MYO5B: variants seen among roughly 807,000 people sequenced by gnomAD.
MYO5B encodes myosin VB.
Under a neutral mutation model 229.3 loss-of-function variants are expected in MYO5B, and 143 were observed. The ratio of observed to expected loss-of-function variants is 0.62; its 90% CI spans 0.54 to 0.72. The LOEUF (loss-of-function observed/expected upper bound fraction) is 0.72, where lower values mean the gene tolerates loss of function less well. Ranked by LOEUF, MYO5B falls within the 30% of genes least tolerant of loss-of-function variation. The pLI is 0.00. For missense variants in MYO5B, 2,321 were observed against 2,331.0 expected, an observed-to-expected ratio of 1.00 and a Z score of 0.09; for synonymous variants, 918 against 885.2, an observed-to-expected ratio of 1.04 and a Z score of -0.66.
At chr18:49,930,713 A>C (rs552323541) in intron 16 of MYO5B, among the ~76,000 whole-genome samples, 1 of 152,224 alleles carries the variant, frequency 6.6e-6, no homozygotes, top group South Asian at 2.1e-4. Flanking sequence ...TAACACGGTG[A>C]AACCCCATCT....
chr18:50,160,412 T>C (rs1037544371), intron 1 of MYO5B, among the ~76,000 whole-genome samples: 1 of 152,224 alleles, frequency 6.6e-6, no homozygotes, highest in Non-Finnish European at 1.5e-5. Context: ...AGAGGTTCCC[T>C]GACTCGGGGG....
chr18:49,829,752 CA>C (rs1276885577), intron 39 of MYO5B, among the ~76,000 whole-genome samples: 1 of 152,110 alleles, frequency 6.6e-6, no homozygotes, highest in African/African-American at 2.4e-5. Flanking sequence ...ACACCATGAC[CA>C]AGCAAGATTT....
chr18:49,959,740 G>A lies in MYO5B; in HGVS notation c.1545+2526C>T, dbSNP rs183304047. On this transcript the variant is annotated intron_variant, in intron 12 of 39. Coordinates refer to ENST00000285039, the MANE Select transcript of MYO5B (RefSeq NM_001080467.3). ...AGGTTGCCTGTTCCTCTGAGAGAAA[G>A]TGGACTGATGAATGGGAAGAGGATA... 1.5e-3 allele frequency among the ~76,000 whole-genome samples: 228 copies of A among 152,294 alleles called. 1 individual carries two copies. The highest frequency in any genetic ancestry group is 6.8e-3 in the Middle Eastern group (2 of 294).
At chr18:50,135,768 A>G (rs2032325759) in intron 1 of MYO5B, among the ~76,000 whole-genome samples, 1 of 152,214 alleles carries the variant, frequency 6.6e-6, no homozygotes, top group African/African-American at 2.4e-5. Context: ...ACTGTTAGAA[A>G]CTGCTAGGAG....
At chr18:49,934,553 G>A (rs886832944) in intron 16 of MYO5B, among the ~76,000 whole-genome samples, 5 of 152,202 alleles carry the variant, frequency 3.3e-5, no homozygotes, top group South Asian at 2.1e-4. Flanking sequence ...TGGCCCAGCT[G>A]GTATAGAGCC....
rs1322628564 is a variant in MYO5B, at chr18:50,037,005, A to G, written c.311-11T>C. On this transcript the variant is annotated splice_polypyrimidine_tract_variant and intron_variant, in intron 3 of 39. Transcript: ENST00000285039. ...CAACAAGTACGATACCTGCAAACAG[A>G]CAAGGTGGTCAGATTCCGACAGCAC... The G allele has an allele frequency of 6.2e-7, 1 of 1,614,010 alleles. No individual in the cohort carries two copies. Among genetic ancestry groups the G allele is most frequent in the African/African-American group, 1.3e-5 (1 of 74,920 alleles).
chr18:50,093,372 GTAACAC>G (rs1205708033), intron 1 of MYO5B, among the ~76,000 whole-genome samples: 2 of 152,180 alleles, frequency 1.3e-5, no homozygotes, highest in Non-Finnish European at 2.9e-5. Context: ...CTCTCCTACA[GTAACAC>G]TAGCTTGAGG....
Position 50,153,864 on chromosome 18 carries a change from T to C in MYO5B, c.27+40903A>G, listed in dbSNP as rs550494103. Reference sequence around the variant, plus strand: ...ACACCAGTGAGTGAGTGAGTGGGGATAGTCTGTGTCTAAGACTGCAGTGTC... The same window carrying C: ...ACACCAGTGAGTGAGTGAGTGGGGACAGTCTGTGTCTAAGACTGCAGTGTC... On this transcript the variant is annotated intron_variant, in intron 1 of 39. Transcript: ENST00000285039. Among the ~76,000 whole-genome samples, 97 of 152,284 alleles carry C rather than the reference T, an allele frequency of 6.4e-4. 1 individual carries two copies. The highest frequency in any genetic ancestry group is 2.2e-3 in the African/African-American group (91 of 41,562).
intron 1 of MYO5B, among the ~76,000 whole-genome samples, chr18:50,150,843 AAAG>A (rs1324644247): frequency 6.6e-6 from 1 of 152,236 alleles, no homozygotes; most frequent in African/African-American, 2.4e-5. Flanking sequence ...TAATAAAAAA[AAAG>A]AAAAGAAAAA....
At chr18:50,069,413 TTTCCC>T (rs1298880200) in intron 1 of MYO5B, among the ~76,000 whole-genome samples, 2 of 151,986 alleles carry the variant, frequency 1.3e-5, no homozygotes, top group Non-Finnish European at 2.9e-5. Context: ...TTGGCAAAAT[TTTCCC>T]TTCCAAGTCC....
intron 1 of MYO5B, among the ~76,000 whole-genome samples, chr18:50,125,743 C>T (rs1210125845): frequency 6.6e-6 from 1 of 152,134 alleles, no homozygotes; most frequent in African/African-American, 2.4e-5. Context: ...TCACAATAGA[C>T]AAAAGGTAGA....
At chr18:49,974,779 T>TCACACACACACACAGACA (rs2025728326) in intron 9 of MYO5B, among the ~76,000 whole-genome samples, 164 bp from the exon 10 acceptor site, 1 of 117,048 alleles carries the variant, frequency 8.5e-6, no homozygotes. Flanking sequence ...GCAGTCTCTC[T>TCACACACACACACAGACA]CACACACACA....
At chr18:50,074,315 G>C (rs2031027222) in intron 1 of MYO5B, among the ~76,000 whole-genome samples, 1 of 152,168 alleles carries the variant, frequency 6.6e-6, no homozygotes, top group Non-Finnish European at 1.5e-5. Flanking sequence ...GGAATTCTGG[G>C]AGATACAATT....
At chr18:50,124,442 T>C (rs564474157) in intron 1 of MYO5B, among the ~76,000 whole-genome samples, 20 of 152,272 alleles carry the variant, frequency 1.3e-4, no homozygotes, top group African/African-American at 4.8e-4. Flanking sequence ...GCATTCCTAT[T>C]ATGGGAGTCA....
Position 49,864,357 on chromosome 18 carries a change from G to A in MYO5B, c.3627C>T (p.Asn1209=). ...SLKRQELESE[N]KKLKNDLNEL... is the part of the protein sequence containing the mutation. Reference sequence around the variant, plus strand: ...CATTCAGGTCATTCTTCAGCTTTTTGTTCTCTGACTCCAGCTCTTGCCTCT... The same window carrying A: ...CATTCAGGTCATTCTTCAGCTTTTTATTCTCTGACTCCAGCTCTTGCCTCT... The change falls in exon 28 of 40, where the codon AAC becomes AAT. Residue 1209 remains asparagine (N), a synonymous_variant. Coordinates refer to ENST00000285039, the MANE Select transcript of MYO5B (RefSeq NM_001080467.3). The A allele has an allele frequency of 6.2e-7, 1 of 1,613,796 alleles. No homozygotes were observed. The highest frequency in any genetic ancestry group is 8.5e-7 in the Non-Finnish European group (1 of 1,180,048).
At position 50,189,831 on chromosome 18, in the gene MYO5B, A is replaced by G. The variant is rs144528883; in HGVS notation, c.27+4936T>C. ...GGGAGAAACTTACATTACCTGAGGT[A>G]TAGGTAAGGGACTGTTAAAGGACAC... On this transcript the variant is annotated intron_variant, in intron 1 of 39. Coordinates refer to ENST00000285039, the MANE Select transcript of MYO5B (RefSeq NM_001080467.3). 4.6e-3 allele frequency among the ~76,000 whole-genome samples: 701 copies of G among 152,304 alleles called. 5 individuals are homozygous for G. Among genetic ancestry groups the G allele is most frequent in the African/African-American group, 0.016 (659 of 41,562 alleles).
chr18:50,013,355 C>G (rs2144346398), intron 4 of MYO5B, among the ~76,000 whole-genome samples: 1 of 152,348 alleles, frequency 6.6e-6, no homozygotes, highest in South Asian at 2.1e-4. Context: ...CATGCCTCCA[C>G]ACAGCACCTT....
chr18:49,961,259 A>G (rs989382439), intron 12 of MYO5B, among the ~76,000 whole-genome samples: 1 of 152,168 alleles, frequency 6.6e-6, no homozygotes, highest in African/African-American at 2.4e-5. Context: ...AACACTTGCT[A>G]CACTGAGAGA....
intron 26 of MYO5B, 93 bp from the exon 27 acceptor site, chr18:49,872,325 C>T: frequency 2.3e-6 from 3 of 1,285,458 alleles, no homozygotes; most frequent in Non-Finnish European, 3.4e-6. Flanking sequence ...CTCATCCTGC[C>T]TGTGCGTGAA....
Sources: gnomAD v4.1 joint callset for allele counts (sites outside exome capture counted in the v4.1 genomes callset) on GRCh38, gnomAD v4.1.1 for gene constraint, MANE v1.5 for transcripts, NCBI Gene and HGNC (gene_info 2026-07-23, HGNC 2026-07-21) for gene names.